AFG2A: variants seen among roughly 807,000 people sequenced by gnomAD.
AFG2A encodes AAA ATPase AFG2A, also known as ATPase family gene 2 protein homolog A.
chr4:122,959,589 G>T, the AFG2A span, among the ~76,000 whole-genome samples: 428 of 152,288 alleles, frequency 2.8e-3, 4 homozygotes, highest in Middle Eastern at 3.4e-3. Context: ...AGTTGTGCAC[G>T]TATGTCTAGT....
the AFG2A span, among the ~76,000 whole-genome samples, chr4:123,218,231 G>A: frequency 9.2e-5 from 14 of 152,290 alleles, no homozygotes; most frequent in Non-Finnish European, 2.1e-4. Context: ...GAAATTATTT[G>A]CTATTTGTAC....
chr4:123,204,932 C>A, the AFG2A span, among the ~76,000 whole-genome samples: 1 of 152,122 alleles, frequency 6.6e-6, no homozygotes, highest in Non-Finnish European at 1.5e-5. Context: ...AGTATGTATA[C>A]AATGGAAATT....
chr4:123,199,961 A>G, the AFG2A span, among the ~76,000 whole-genome samples: 1 of 152,220 alleles, frequency 6.6e-6, no homozygotes, highest in Admixed American at 6.5e-5. Flanking sequence ...ATACATATGT[A>G]TGTATGTATT....
chr4:122,923,090 GCGCGCACATTGAGTCGGCTTTTCTA>G, the AFG2A span: 1 of 1,607,550 alleles, frequency 6.2e-7, no homozygotes, highest in South Asian at 1.1e-5. Flanking sequence ...CTCAGTTGAA[GCGCGCACATTGAGTCGGCTTTTCTA>G]CTGCTTCGGC....
At chr4:123,043,446 A>G in the AFG2A span, among the ~76,000 whole-genome samples, 6 of 151,942 alleles carry the variant, frequency 3.9e-5, no homozygotes, top group African/African-American at 1.4e-4. Context: ...TGACTTTTCA[A>G]TTGTATATAT....
chr4:123,189,121 C>T, the AFG2A span, among the ~76,000 whole-genome samples: 1 of 152,128 alleles, frequency 6.6e-6, no homozygotes, highest in Non-Finnish European at 1.5e-5. Flanking sequence ...CTGTCTATCT[C>T]GCAGGTTCAT....
At chr4:123,207,158 A>G in the AFG2A span, among the ~76,000 whole-genome samples, 1 of 152,188 alleles carries the variant, frequency 6.6e-6, no homozygotes, top group Non-Finnish European at 1.5e-5. Flanking sequence ...AAAATTAGCT[A>G]CTAGGTCACT....
chr4:123,152,123 G>C, the AFG2A span, among the ~76,000 whole-genome samples: 6 of 149,416 alleles, frequency 4.0e-5, no homozygotes, highest in Non-Finnish European at 5.9e-5. Flanking sequence ...ACTGGGGCCT[G>C]TTGGGGGATG....
At chr4:123,264,511 G>A in the AFG2A span, among the ~76,000 whole-genome samples, 3 of 152,108 alleles carry the variant, frequency 2.0e-5, no homozygotes, top group African/African-American at 4.8e-5. Flanking sequence ...AAACTCTAAG[G>A]ACAAAAGCAC....
At chr4:123,074,095 A>ATTTTTTTTT in the AFG2A span, among the ~76,000 whole-genome samples, 30,552 of 100,998 alleles carry the variant, frequency 0.3, 6,909 homozygotes, top group South Asian at 0.45. Context: ...CTCAGATAGT[A>ATTTTTTTTT]TTTTTTTTTT....
At chr4:123,032,145 G>A in the AFG2A span, among the ~76,000 whole-genome samples, 4 of 152,128 alleles carry the variant, frequency 2.6e-5, no homozygotes, top group African/African-American at 9.7e-5. Context: ...AATTATTCTG[G>A]TAAATACAGG....
At chr4:123,285,607 A>C in the AFG2A span, among the ~76,000 whole-genome samples, 9 of 152,044 alleles carry the variant, frequency 5.9e-5, no homozygotes, top group African/African-American at 2.2e-4. Flanking sequence ...CCACCAGTAC[A>C]TCTCTTCACA....
the AFG2A span, among the ~76,000 whole-genome samples, chr4:123,192,743 G>C: frequency 2.0e-5 from 3 of 152,176 alleles, no homozygotes; most frequent in Non-Finnish European, 4.4e-5. Context: ...TGAAAAGTCA[G>C]CTGCCTTCCT....
At chr4:122,992,364 G>C in the AFG2A span, among the ~76,000 whole-genome samples, 2 of 152,190 alleles carry the variant, frequency 1.3e-5, no homozygotes, top group African/African-American at 4.8e-5. Context: ...TAACACTGGT[G>C]AAAGTACTTT....
At chr4:123,156,720 C>T in the AFG2A span, among the ~76,000 whole-genome samples, 44 of 149,712 alleles carry the variant, frequency 2.9e-4, no homozygotes, top group African/African-American at 9.3e-4. Context: ...AACTTCTGCC[C>T]TCCAAAGGCT....
the AFG2A span, among the ~76,000 whole-genome samples, chr4:123,238,300 T>C: frequency 1.3e-5 from 2 of 152,182 alleles, no homozygotes; most frequent in Non-Finnish European, 2.9e-5. Flanking sequence ...AACGTCCCTG[T>C]GTGACAGCTC....
the AFG2A span, among the ~76,000 whole-genome samples, chr4:123,027,692 G>T: frequency 6.6e-6 from 1 of 152,080 alleles, no homozygotes; most frequent in Admixed American, 6.6e-5. Flanking sequence ...TGTTCTGGGG[G>T]TATTTCTTAG....
the AFG2A span, among the ~76,000 whole-genome samples, chr4:123,043,487 G>T: frequency 1.3e-5 from 2 of 152,056 alleles, no homozygotes; most frequent in South Asian, 4.2e-4. Context: ...ATGGAAAAAT[G>T]GAATTAAAAG....
At chr4:123,110,414 C>T in the AFG2A span, among the ~76,000 whole-genome samples, 2 of 151,936 alleles carry the variant, frequency 1.3e-5, no homozygotes, top group African/African-American at 4.8e-5. Flanking sequence ...CAAATGTTCT[C>T]GTAAGCAGCA....
Sources: allele counts gnomAD v4.1 joint callset (sites outside exome capture counted in the v4.1 genomes callset), GRCh38; gene constraint gnomAD v4.1.1; transcripts MANE v1.5; gene names NCBI Gene and HGNC (gene_info 2026-07-23, HGNC 2026-07-21).